Variants in FSTL4 observed in about 807,000 individuals in gnomAD.
The protein encoded by FSTL4 is follistatin-related protein 4.
Under a neutral mutation model 78.2 loss-of-function variants are expected in FSTL4, and 28 were observed. The observed-to-expected ratio is 0.36, with a 90% confidence interval of 0.27 to 0.49. The LOEUF (loss-of-function observed/expected upper bound fraction) is 0.49, where lower values mean the gene tolerates loss of function less well. Ranked by LOEUF, FSTL4 falls within the 20% of genes least tolerant of loss-of-function variation. The probability of loss-of-function intolerance (pLI) is 0.98; values close to 1 mark genes in which losing one functional copy is unlikely to be tolerated. For missense variants in FSTL4, 922 were observed against 1,084.9 expected (o/e 0.85, Z 2.11); for synonymous variants, 422 against 440.5 (o/e 0.96, Z 0.53).
intron 3 of FSTL4, among the ~76,000 whole-genome samples, chr5:133,544,017 C>G (rs903980335): frequency 6.6e-6 from 1 of 151,980 alleles, no homozygotes; most frequent in Non-Finnish European, 1.5e-5. Context: ...CTCAACTATA[C>G]AAGGATTTCA....
the FSTL4 span, among the ~76,000 whole-genome samples, chr5:133,777,212 G>C: frequency 2.2e-5 from 1 of 46,018 alleles, no homozygotes; most frequent in African/African-American, 1.2e-4. Context: ...AGCTATTAAA[G>C]ATATGTATAT....
the FSTL4 span, among the ~76,000 whole-genome samples, chr5:133,702,334 A>G: frequency 1.1e-4 from 16 of 152,300 alleles, no homozygotes; most frequent in African/African-American, 3.8e-4. Context: ...AGCTCTAGAG[A>G]AGGCTATGGC....
At position 133,399,303 on chromosome 5, in the gene FSTL4, C is replaced by T. The variant is rs78374379; in HGVS notation, c.409+1435G>A. 4.7e-3 allele frequency among the ~76,000 whole-genome samples: 717 copies of T among 152,254 alleles called. 6 individuals are homozygous for T. The highest frequency in any genetic ancestry group is 0.016 in the African/African-American group (661 of 41,542). On this transcript the variant is annotated intron_variant, in intron 4 of 15. Transcript: ENST00000265342. Reference sequence around the variant, plus strand: ...CTGGGCAGTGCTTCCAGAATGGGGACGTTTTTCCTAGGCTCATTTTGGCCT... The same window carrying T: ...CTGGGCAGTGCTTCCAGAATGGGGATGTTTTTCCTAGGCTCATTTTGGCCT...
chr5:133,430,011 A>G (rs918129434), intron 3 of FSTL4, among the ~76,000 whole-genome samples: 2 of 152,216 alleles, frequency 1.3e-5, no homozygotes, highest in African/African-American at 4.8e-5. Context: ...AGCTGTAAAT[A>G]AATGCTCATA....
At chr5:133,806,634 C>T in the FSTL4 span, among the ~76,000 whole-genome samples, 1 of 152,186 alleles carries the variant, frequency 6.6e-6, no homozygotes, top group Non-Finnish European at 1.5e-5. Flanking sequence ...CAGGAACAAA[C>T]CTTTCCTGAG....
At chr5:133,840,409 A>G in the FSTL4 span, among the ~76,000 whole-genome samples, 8 of 152,222 alleles carry the variant, frequency 5.3e-5, no homozygotes, top group Non-Finnish European at 8.8e-5. Context: ...TGAGAGCTGT[A>G]ATTAAAGTTT....
chr5:133,727,832 T>G, the FSTL4 span, among the ~76,000 whole-genome samples: 30 of 152,246 alleles, frequency 2.0e-4, no homozygotes, highest in African/African-American at 7.2e-4. Flanking sequence ...AGGAAAGGAT[T>G]CCAGGATGCA....
At chr5:133,602,290 C>T (rs971938464) in intron 2 of FSTL4, among the ~76,000 whole-genome samples, 3 of 152,104 alleles carry the variant, frequency 2.0e-5, no homozygotes, top group African/African-American at 4.8e-5. Context: ...CCCCAAAAAG[C>T]GTTACTTCCT....
In FSTL4 at chr5:133,196,475, TTTCA is replaced by T. The variant is rs1474971990; in HGVS notation, c.*2616_*2619del. 6.6e-6 allele frequency: 1 copy of T among 152,218 alleles called. No individual in the cohort carries two copies. Among genetic ancestry groups the T allele is most frequent in the African/African-American group, 2.4e-5 (1 of 41,442 alleles). 9.4% of individuals were successfully genotyped at this position (152,218 alleles called of 1,614,324 possible). A position where few individuals can be genotyped will look rare whatever the true frequency, so the allele number is the denominator to read the frequency against. The stretch of plus-strand genomic sequence containing the variant: ...TCGAATTTTTGTAAAATTAATTTTA[TTTCA>T]AAATGACTGAGGGGGTTTATATAAA... On this transcript the variant is annotated 3_prime_UTR_variant, in exon 16 of 16. Coordinates refer to ENST00000265342, the MANE Select transcript of FSTL4 (RefSeq NM_015082.2).
At chr5:133,807,173 T>A in the FSTL4 span, among the ~76,000 whole-genome samples, 1 of 152,212 alleles carries the variant, frequency 6.6e-6, no homozygotes, top group African/African-American at 2.4e-5. Context: ...GAAGAAAATA[T>A]ACATCTCTCC....
At chr5:133,369,700 C>T (rs1755250023) in intron 4 of FSTL4, among the ~76,000 whole-genome samples, 1 of 152,200 alleles carries the variant, frequency 6.6e-6, no homozygotes, top group African/African-American at 2.4e-5. Flanking sequence ...GCCTCCTACA[C>T]AGTGTGATTT....
intron 3 of FSTL4, among the ~76,000 whole-genome samples, chr5:133,501,759 C>T (rs908518739): frequency 6.6e-6 from 1 of 152,086 alleles, no homozygotes; most frequent in African/African-American, 2.4e-5. Context: ...TTGGGTCCTT[C>T]AAAAAGGTAT....
At chr5:133,352,792 T>A (rs1387740480) in intron 4 of FSTL4, among the ~76,000 whole-genome samples, 1 of 152,214 alleles carries the variant, frequency 6.6e-6, no homozygotes, top group Non-Finnish European at 1.5e-5. Context: ...TCCTTCTTTT[T>A]TATGGCTGCG....
At chr5:133,659,399 A>G in the FSTL4 span, among the ~76,000 whole-genome samples, 2 of 152,040 alleles carry the variant, frequency 1.3e-5, no homozygotes, top group Admixed American at 1.3e-4. Flanking sequence ...TCTTTCTGAT[A>G]CTAAAATTTC....
At chr5:133,739,293 T>C in the FSTL4 span, among the ~76,000 whole-genome samples, 4 of 151,732 alleles carry the variant, frequency 2.6e-5, no homozygotes, top group African/African-American at 7.3e-5. Flanking sequence ...TTTTCTTTTT[T>C]TTTTTTTTTA....
chr5:133,336,557 C>A (rs765734168), intron 4 of FSTL4, among the ~76,000 whole-genome samples: 1 of 152,180 alleles, frequency 6.6e-6, no homozygotes, highest in Non-Finnish European at 1.5e-5. Flanking sequence ...AAGGATGGTA[C>A]GGATTTTATT....
intron 4 of FSTL4, among the ~76,000 whole-genome samples, chr5:133,396,976 T>C (rs1200880807): frequency 6.6e-6 from 1 of 152,182 alleles, no homozygotes; most frequent in East Asian, 1.9e-4. Context: ...AAGGGGCCCC[T>C]TAAAACAGAA....
In FSTL4 at chr5:133,225,117, C is replaced by T. The variant is rs1180945325; in HGVS notation, c.1312+33G>A. ...TTGCCACCCAACACCTCCCAGCCAGCTCAGTGAGAAGCATAAACGCGTGTC... is the reference window on the plus strand; with the variant it reads ...TTGCCACCCAACACCTCCCAGCCAGTTCAGTGAGAAGCATAAACGCGTGTC... On this transcript the variant is annotated intron_variant, in intron 10 of 15. Coordinates refer to ENST00000265342, the MANE Select transcript of FSTL4 (RefSeq NM_015082.2). The surrounding 1 kb of genome is among the most constrained non-coding windows in gnomAD (Gnocchi z 4.6). 2.5e-6 allele frequency: 4 copies of T among 1,613,872 alleles called. No individual in the cohort carries two copies. The highest frequency in any genetic ancestry group is 1.1e-5 in the South Asian group (1 of 91,072).
At chr5:133,819,120 G>A in the FSTL4 span, among the ~76,000 whole-genome samples, 3 of 150,016 alleles carry the variant, frequency 2.0e-5, no homozygotes, top group African/African-American at 4.9e-5. Context: ...TCCCTGCCTT[G>A]CGTACACATG....
Sources: allele counts gnomAD v4.1 joint callset (sites outside exome capture counted in the v4.1 genomes callset), GRCh38; gene constraint gnomAD v4.1.1; non-coding constraint Gnocchi (gnomAD v3.1); transcripts MANE v1.5; gene names NCBI Gene and HGNC (gene_info 2026-07-23, HGNC 2026-07-21).